UVSSA: variants seen among roughly 807,000 people sequenced by gnomAD.
UVSSA encodes UV-stimulated scaffold protein A.
Under a neutral mutation model 73.9 loss-of-function variants are expected in UVSSA, and 72 were observed. The ratio of observed to expected loss-of-function variants is 0.97; its 90% CI spans 0.81 to 1.19. The LOEUF (loss-of-function observed/expected upper bound fraction) is 1.19. Ranked by LOEUF, UVSSA falls within the 50% of genes most tolerant of loss-of-function variation. The probability of loss-of-function intolerance (pLI) is 0.00; values close to 1 mark genes in which losing one functional copy is unlikely to be tolerated. For synonymous variants in UVSSA, 454 were observed against 391.3 expected (o/e 1.16, Z -1.89); for missense variants, 1,150 against 965.0 (o/e 1.19, Z -2.54).
At chr4:1,359,749 G>A (rs535905669) in intron 7 of UVSSA, among the ~76,000 whole-genome samples, 5 of 152,216 alleles carry the variant, frequency 3.3e-5, no homozygotes, top group East Asian at 1.9e-4. Flanking sequence ...TCTGTCGGCC[G>A]CCTGCCTGCC....
Position 1,380,223 on chromosome 4 carries a change from G to A in UVSSA, c.1745G>A (p.Arg582Gln), listed in dbSNP as rs775156104. 18 of 1,610,674 alleles carry A rather than the reference G, an allele frequency of 1.1e-5. No individual in the cohort carries two copies. The East Asian group carries it at 1.6e-4, about 14-fold the overall frequency. Reference sequence around the variant, plus strand: ...GGCCGGCTCTGTGAGCGCCAAGACCGGCTGAAGGTGAGGCCGTGGCCCGAG... The same window carrying A: ...GGCCGGCTCTGTGAGCGCCAAGACCAGCTGAAGGTGAGGCCGTGGCCCGAG... ...PDGRLCERQD[R>Q]LKCPFHGKIV... is the part of the protein sequence containing the mutation. The change falls in exon 11 of 14, where the codon CGG becomes CAG. Residue 582 changes from arginine (R) to glutamine (Q), a missense_variant. By Grantham distance (43) the Arg-to-Gln change is conservative. Coordinates refer to ENST00000389851, the MANE Select transcript of UVSSA (RefSeq NM_020894.4).
chr4:1,355,447 A>G (rs1715576372), intron 7 of UVSSA, among the ~76,000 whole-genome samples: 1 of 152,218 alleles, frequency 6.6e-6, no homozygotes, highest in Non-Finnish European at 1.5e-5. Context: ...GGGACAGTGC[A>G]GCTGTCGGGT....
intron 1 of UVSSA, 108 bp downstream of exon 1, chr4:1,347,868 G>A (rs1397494791): frequency 1.8e-6 from 1 of 542,308 alleles, no homozygotes; most frequent in Non-Finnish European, 3.3e-6. Flanking sequence ...ACACGGGATT[G>A]TAGAGGTCCC....
At position 1,348,108 on chromosome 4, in the gene UVSSA, C is replaced by G; in HGVS notation, c.17C>G (p.Ser6Trp). The G allele has an allele frequency of 6.2e-7, 1 of 1,613,494 alleles. No homozygotes were observed. Among genetic ancestry groups the G allele is most frequent in the Non-Finnish European group, 8.5e-7 (1 of 1,179,674 alleles). The change falls in exon 2 of 14, where the codon TCG becomes TGG. Residue 6 changes from serine to tryptophan, a missense_variant. Ser to Trp is a radical substitution (Grantham distance 177). Coordinates refer to ENST00000389851, the MANE Select transcript of UVSSA (RefSeq NM_020894.4). The part of the protein sequence containing the change: MDQKL[S>W]KLVEELTTSG... ...TTTCTAGATATGGATCAGAAACTTT[C>G]GAAGTTGGTAGAAGAGCTCACAACT...
upstream of UVSSA, among the ~76,000 whole-genome samples, chr4:1,346,930 G>C (rs897064890): frequency 2.0e-5 from 3 of 152,218 alleles, no homozygotes; most frequent in South Asian, 2.1e-4. Flanking sequence ...CGCCGGGAGC[G>C]CGCCTACGTC....
chr4:1,378,579 G>T (rs764883472), intron 10 of UVSSA, among the ~76,000 whole-genome samples: 1 of 152,130 alleles, frequency 6.6e-6, no homozygotes, highest in African/African-American at 2.4e-5. Context: ...GTCCTCGGCC[G>T]AGGGGAGTAG....
chr4:1,356,398 A>G (rs3806754), intron 7 of UVSSA, among the ~76,000 whole-genome samples: 18,734 of 152,086 alleles, frequency 0.12, 2,073 homozygotes, highest in East Asian at 0.43. Flanking sequence ...GCAGAGGGCG[A>G]GCTTGCTTTT....
chr4:1,363,341 CCA>C (rs1166127042), intron 7 of UVSSA, among the ~76,000 whole-genome samples: 1 of 152,060 alleles, frequency 6.6e-6, no homozygotes, highest in Non-Finnish European at 1.5e-5. Flanking sequence ...CAGAAATGAA[CCA>C]TTATTTGGGG....
At chr4:1,368,763 C>G (rs112421606) in intron 8 of UVSSA, among the ~76,000 whole-genome samples, 2,498 of 152,374 alleles carry the variant, frequency 0.016, 76 homozygotes, top group African/African-American at 0.057. Flanking sequence ...AGATGTGTGT[C>G]TCCAGCTCAG....
chr4:1,381,901 G>A (rs1719549629), intron 12 of UVSSA, among the ~76,000 whole-genome samples: 1 of 152,060 alleles, frequency 6.6e-6, no homozygotes, highest in Non-Finnish European at 1.5e-5. Flanking sequence ...TTGAACTCCT[G>A]CATTCTCCTG....
intron 5 of UVSSA, chr4:1,354,457 C>G: frequency 2.1e-6 from 1 of 468,952 alleles, no homozygotes; most frequent in South Asian, 2.2e-5. Context: ...TGGGTGGTCT[C>G]GCCCTCCAGA....
In UVSSA at chr4:1,351,227, G is replaced by A. The variant is rs989555927; in HGVS notation, c.430-488G>A. Among the ~76,000 whole-genome samples the A allele has an allele frequency of 7.3e-5, 11 of 151,360 alleles. No individual in the cohort carries two copies. In the South Asian group the frequency reaches 1.0e-3, roughly 14 times the overall value. On this transcript the variant is annotated intron_variant, in intron 3 of 13. Transcript: ENST00000389851. ...ACTACAAGCACCCCCCACCACGCCC[G>A]GCTAATTTTTGTATTTTTAGTAGAG...
intron 7 of UVSSA, 55 bp downstream of exon 7, chr4:1,355,300 A>C: frequency 7.1e-7 from 1 of 1,405,242 alleles, no homozygotes. Flanking sequence ...GTGGGGGAGG[A>C]GAAGCTGTGG....
chr4:1,395,872 G>C, exon 14 of UVSSA: 1 of 1,605,704 alleles, frequency 6.2e-7, no homozygotes, highest in Non-Finnish European at 8.5e-7. Flanking sequence ...GGATGAGATG[G>C]AAGAGGAGAG....
At chr4:1,372,041 T>C (rs574142347) in intron 8 of UVSSA, among the ~76,000 whole-genome samples, 2 of 152,352 alleles carry the variant, frequency 1.3e-5, no homozygotes, top group African/African-American at 4.8e-5. Context: ...TCTCTTCTTG[T>C]TTATTACACC....
At position 1,353,106 on chromosome 4, in the gene UVSSA, C is replaced by T. The variant is rs1715047449; in HGVS notation, c.627C>T (p.Asp209=). 9 of 1,613,080 alleles carry T rather than the reference C, an allele frequency of 5.6e-6. No homozygotes were observed. The highest frequency in any genetic ancestry group is 2.2e-5 in the South Asian group (2 of 91,086). ...GGCTGCTGGTGCCTTTTGACTTTGA[C>T]CCGAACCCGGAGACGGAATCCCTTG... is the stretch of plus-strand genomic sequence containing the variant. The part of the protein sequence containing the change: ...CFRLLVPFDF[D]PNPETESLGM... Residue 209 remains aspartate, a synonymous_variant, in exon 5 of 14, where the codon GAC becomes GAT. Transcript: ENST00000389851.
In UVSSA at chr4:1,353,174, C is replaced by T. The variant is rs778183745; in HGVS notation, c.695C>T (p.Ala232Val). ...GMSDALRSSC[A>V]GQVGPCRSGT... ...TCCGATGCCCTTCGCTCCTCCTGCGCGGGCCAGGTGGGCCCCTGCCGGTCT... is the reference window on the plus strand; with the variant it reads ...TCCGATGCCCTTCGCTCCTCCTGCGTGGGCCAGGTGGGCCCCTGCCGGTCT... Residue 232 changes from alanine (A) to valine (V), a missense_variant, in exon 5 of 14, where the codon GCG becomes GTG. Ala to Val is a moderately conservative substitution (Grantham distance 64). Coordinates refer to ENST00000389851, the MANE Select transcript of UVSSA (RefSeq NM_020894.4). The T allele has an allele frequency of 5.9e-5, 95 of 1,612,702 alleles. No homozygotes were observed. Among genetic ancestry groups the T allele is most frequent in the South Asian group, 3.2e-4 (29 of 91,088 alleles).
At chr4:1,372,011 C>T (rs1444777585) in intron 8 of UVSSA, among the ~76,000 whole-genome samples, 2 of 152,190 alleles carry the variant, frequency 1.3e-5, no homozygotes, top group African/African-American at 4.8e-5. Flanking sequence ...TGTTTTGAGA[C>T]TGCATTTGTA....
intron 8 of UVSSA, among the ~76,000 whole-genome samples, chr4:1,367,745 C>T (rs576298813): frequency 1.6e-4 from 24 of 152,258 alleles, no homozygotes; most frequent in Non-Finnish European, 1.0e-4. Context: ...CAGGCAGAAG[C>T]CGAGGGACCT....
Sources: allele counts gnomAD v4.1 joint callset (sites outside exome capture counted in the v4.1 genomes callset), GRCh38; gene constraint gnomAD v4.1.1; transcripts MANE v1.5; gene names NCBI Gene and HGNC (gene_info 2026-07-23, HGNC 2026-07-21).